The following KANK2 variants were observed in gnomAD, a reference collection of about 807,000 sequenced individuals.
KANK2 encodes KN motif and ankyrin repeat domain-containing protein 2.
KANK2 carries 41 observed loss-of-function variants against 74.6 expected under a neutral mutation model. The ratio of observed to expected loss-of-function variants is 0.55; its 90% CI spans 0.43 to 0.71. The LOEUF (loss-of-function observed/expected upper bound fraction) is 0.71, where lower values mean the gene tolerates loss of function less well. Ranked by LOEUF, KANK2 falls within the 30% of genes least tolerant of loss-of-function variation. The probability of loss-of-function intolerance (pLI) is 0.00; values close to 1 mark genes in which losing one functional copy is unlikely to be tolerated. For missense variants in KANK2, 1,148 were observed against 1,196.4 expected, an observed-to-expected ratio of 0.96 and a Z score of 0.60; for synonymous variants, 537 against 519.0, an observed-to-expected ratio of 1.03 and a Z score of -0.47.
intron 9 of KANK2, 38 bp from the exon 10 acceptor site, chr19:11,173,161 C>T (rs767055554): frequency 3.3e-5 from 52 of 1,591,322 alleles, no homozygotes; most frequent in Non-Finnish European, 4.3e-5. Flanking sequence ...CCAGGGATCG[C>T]TGCTAGTGGA....
Position 11,178,619 on chromosome 19 carries a change from C to T in KANK2, c.1351G>A (p.Glu451Lys). 1.9e-6 allele frequency: 3 copies of T among 1,598,962 alleles called. No individual in the cohort carries two copies. Among genetic ancestry groups the T allele is most frequent in the Non-Finnish European group, 2.6e-6 (3 of 1,174,354 alleles). Residue 451 changes from glutamate (E) to lysine (K), a missense_variant, in exon 5 of 13, where the codon GAG becomes AAG. Coordinates refer to ENST00000586659, the MANE Select transcript of KANK2 (RefSeq NM_001136191.3). Reference sequence around the variant, plus strand: ...CTGGTGGGCTCCCTGTGGGTGGGCTCCTGGGTGGGCACTCGGCCTGTGCTC... The same window carrying T: ...CTGGTGGGCTCCCTGTGGGTGGGCTTCTGGGTGGGCACTCGGCCTGTGCTC... ...EKSTGRVPTQ[E>K]PTHREPTRQA...
chr19:11,181,632 G>C (rs191217908), intron 4 of KANK2, among the ~76,000 whole-genome samples: 2 of 151,856 alleles, frequency 1.3e-5, no homozygotes, highest in East Asian at 3.9e-4. Context: ...GTGTTTAATG[G>C]GGACAGTTTC....
intron 9 of KANK2, among the ~76,000 whole-genome samples, chr19:11,174,194 T>A (rs1013042482): frequency 1.3e-5 from 2 of 152,006 alleles, no homozygotes; most frequent in Non-Finnish European, 2.9e-5. Context: ...CGGCATCTCC[T>A]CCATCAGACT....
intron 6 of KANK2, 46 bp downstream of exon 6, chr19:11,178,299 G>GA: frequency 9.5e-7 from 1 of 1,056,022 alleles, no homozygotes; most frequent in Non-Finnish European, 1.2e-6. Context: ...ATGAATGGAG[G>GA]AGGGGCGGGA....
intron 12 of KANK2, among the ~76,000 whole-genome samples, chr19:11,167,728 A>ATG (rs1455459323): frequency 6.6e-6 from 1 of 151,722 alleles, no homozygotes; most frequent in Non-Finnish European, 1.5e-5. Flanking sequence ...GGGCTTCACC[A>ATG]TGTTGGCCAG....
At chr19:11,183,574 G>A (rs1482593654) in intron 4 of KANK2, among the ~76,000 whole-genome samples, 1 of 152,038 alleles carries the variant, frequency 6.6e-6, no homozygotes, top group Non-Finnish European at 1.5e-5. Flanking sequence ...TTCCAGCTTC[G>A]AACTCCTCGG....
Position 11,185,184 on chromosome 19 carries a change from C to T in KANK2, c.1250-6464G>A, listed in dbSNP as rs1335530425. ...CCTGTAATCCCAGCACTTTGGGGGG[C>T]CGAGGTGGGTGGATCGCTTGAGCCC... On this transcript the variant is annotated intron_variant, in intron 4 of 12. Coordinates refer to ENST00000586659, the MANE Select transcript of KANK2 (RefSeq NM_001136191.3). Among the ~76,000 whole-genome samples the T allele has an allele frequency of 2.7e-5, 4 of 147,578 alleles. No homozygotes were observed. In the East Asian group the frequency reaches 8.0e-4, roughly 30 times the overall value.
At chr19:11,185,095 T>A (rs2147530727) in intron 4 of KANK2, among the ~76,000 whole-genome samples, 1 of 149,510 alleles carries the variant, frequency 6.7e-6, no homozygotes, top group South Asian at 2.1e-4. Flanking sequence ...TTGCCCAGGC[T>A]GGAGTCCAAT....
chr19:11,180,478 T>C (rs1386735264), intron 4 of KANK2, among the ~76,000 whole-genome samples: 1 of 151,898 alleles, frequency 6.6e-6, no homozygotes, highest in African/African-American at 2.4e-5. Context: ...GGTGACCAAA[T>C]GCTGGACATA....
chr19:11,194,387 A>G, intron 3 of KANK2, 88 bp downstream of exon 3: 1 of 1,086,418 alleles, frequency 9.2e-7, no homozygotes, highest in Non-Finnish European at 1.4e-6. Flanking sequence ...TCCCACCCTC[A>G]AAGTCCCCAG....
intron 9 of KANK2, 80 bp downstream of exon 9, chr19:11,174,393 G>T: frequency 8.9e-7 from 1 of 1,128,612 alleles, no homozygotes; most frequent in Non-Finnish European, 1.3e-6. Flanking sequence ...AGATGGGGAG[G>T]GCAGTGTCTT....
At position 11,173,026 on chromosome 19, in the gene KANK2, G is replaced by T. The variant is rs1046223879; in HGVS notation, c.2166C>A (p.Val722=). ...TLKTQDDIET[V]LQLFRLGNIN... is the part of the protein sequence containing the mutation. ...TGTTGCCAAGCCGGAAGAGCTGAAG[G>T]ACAGTCTCGATGTCGTCCTGGGTCT... is the stretch of plus-strand genomic sequence containing the variant. The change falls in exon 10 of 13, where the codon GTC becomes GTA. Residue 722 remains valine, a synonymous_variant. Coordinates refer to ENST00000586659, the MANE Select transcript of KANK2 (RefSeq NM_001136191.3). 2 of 1,614,152 alleles carry T rather than the reference G, an allele frequency of 1.2e-6. No individual in the cohort carries two copies. Among genetic ancestry groups the T allele is most frequent in the Non-Finnish European group, 1.7e-6 (2 of 1,180,018 alleles).
intron 4 of KANK2, among the ~76,000 whole-genome samples, chr19:11,184,959 CCCG>C (rs1356296775): frequency 6.7e-6 from 1 of 148,458 alleles, no homozygotes; most frequent in East Asian, 2.0e-4. Context: ...ATTACAGGCA[CCCG>C]CCATCATGCT....
chr19:11,190,318 G>C (rs1055152598), intron 4 of KANK2, among the ~76,000 whole-genome samples: 1 of 152,088 alleles, frequency 6.6e-6, no homozygotes, highest in Admixed American at 6.6e-5. Flanking sequence ...AGTAGTGACA[G>C]GGTTTCGCCA....
intron 4 of KANK2, among the ~76,000 whole-genome samples, chr19:11,180,291 T>A (rs916327438): frequency 2.0e-5 from 3 of 152,126 alleles, no homozygotes; most frequent in Non-Finnish European, 2.9e-5. Context: ...GACAGGGTCT[T>A]GTTATATTGT....
intron 5 of KANK2, 33 bp from the exon 6 acceptor site, chr19:11,178,480 G>A: frequency 6.2e-7 from 1 of 1,601,896 alleles, no homozygotes. Flanking sequence ...TGCTGTGAGA[G>A]TCCTTCAGGG....
chr19:11,177,093 CTTT>C (rs33941817), intron 6 of KANK2, among the ~76,000 whole-genome samples: 3 of 104,764 alleles, frequency 2.9e-5, no homozygotes, highest in South Asian at 3.2e-4. Context: ...ACTCACCCTC[CTTT>C]TTTTTTTTTT....
Position 11,194,007 on chromosome 19 carries a change from C to T in KANK2, c.73G>A (p.Ala25Thr), listed in dbSNP as rs769279135. 1 of 1,611,352 alleles carries T rather than the reference C, an allele frequency of 6.2e-7. No homozygotes were observed. Among genetic ancestry groups the T allele is most frequent in the South Asian group, 1.1e-5 (1 of 90,920 alleles). Residue 25 changes from alanine (A) to threonine (T), a missense_variant, in exon 4 of 13, where the codon GCC (alanine) becomes ACC (threonine). Coordinates refer to ENST00000586659, the MANE Select transcript of KANK2 (RefSeq NM_001136191.3). ...PGPASPPAFPAKDPDPPYSVE... is the reference protein window; with the variant it reads ...PGPASPPAFPTKDPDPPYSVE... ...GAGTAGGGTGGATCGGGGTCCTTGG[C>T]AGGGAAGGCAGGTGGGGAGGCTGGG...
chr19:11,184,973 C>G (rs528277909), intron 4 of KANK2, among the ~76,000 whole-genome samples: 2 of 146,202 alleles, frequency 1.4e-5, no homozygotes, highest in African/African-American at 2.5e-5. Context: ...CCATCATGCT[C>G]GGCTAATTTT....
Sources: gnomAD v4.1 joint callset for allele counts (sites outside exome capture counted in the v4.1 genomes callset) on GRCh38, gnomAD v4.1.1 for gene constraint, MANE v1.5 for transcripts, NCBI Gene and HGNC (gene_info 2026-07-23, HGNC 2026-07-21) for gene names.